Variants in ZBTB16 observed in about 807,000 individuals in gnomAD.
ZBTB16 encodes the protein zinc finger and BTB domain-containing protein 16.
ZBTB16 carries 8 observed loss-of-function variants against 56.8 expected under a neutral mutation model. The ratio of observed to expected loss-of-function variants is 0.14; its 90% CI spans 0.08 to 0.25. The LOEUF (loss-of-function observed/expected upper bound fraction) is 0.25. Among genes scored for constraint, ZBTB16 ranks in the 10% least tolerant of loss-of-function variants. The pLI, the probability that ZBTB16 is intolerant of heterozygous loss-of-function variation, is 1.00. For missense variants in ZBTB16, 625 were observed against 903.0 expected (o/e 0.69, Z 3.95); for synonymous variants, 363 against 368.5 (o/e 0.98, Z 0.17).
In ZBTB16 at chr11:114,192,511, T is replaced by C. The variant is rs137919674; in HGVS notation, c.1453+5473T>C. Among the ~76,000 whole-genome samples, 911 of 152,284 alleles carry C rather than the reference T, an allele frequency of 6.0e-3. 9 individuals carry two copies. The highest frequency in any genetic ancestry group is 0.021 in the African/African-American group (866 of 41,548). On this transcript the variant is annotated intron_variant, in intron 4 of 6. Coordinates refer to ENST00000335953, the MANE Select transcript of ZBTB16 (RefSeq NM_006006.6). The stretch of plus-strand genomic sequence containing the variant: ...ACCAGTCAGCTGCTGTTAAGATTAT[T>C]GTCATCAGTATTTCAGCGTTCTTGT...
intron 6 of ZBTB16, among the ~76,000 whole-genome samples, chr11:114,248,716 G>A (rs986322687): frequency 2.0e-4 from 30 of 152,146 alleles, no homozygotes; most frequent in African/African-American, 5.8e-4. Flanking sequence ...CTCGTTTTTC[G>A]TGTCCCAGTT....
intron 4 of ZBTB16, among the ~76,000 whole-genome samples, chr11:114,234,526 G>A (rs754851976): frequency 3.9e-5 from 6 of 152,160 alleles, no homozygotes; most frequent in South Asian, 2.1e-4. Flanking sequence ...TCTGAGGAAC[G>A]CCAGGAGTAC....
Position 114,156,015 on chromosome 11 carries a change from G to A in ZBTB16, c.1269-322G>A, listed in dbSNP as rs182838640. Among the ~76,000 whole-genome samples the A allele has an allele frequency of 8.7e-3, 1,327 of 152,314 alleles. 9 individuals carry two copies. Among genetic ancestry groups the A allele is most frequent in the Non-Finnish European group, 0.015 (1,053 of 68,024 alleles). On this transcript the variant is annotated intron_variant, in intron 2 of 6. Coordinates refer to ENST00000335953, the MANE Select transcript of ZBTB16 (RefSeq NM_006006.6). ...GTGAGGTCTGTGCTAGTTTGACAGT[G>A]AGCATTATGTCTGTCTGACTGTCCT...
rs879504234 is a variant in ZBTB16, at chr11:114,156,554, C to T, written c.1366+120C>T. On this transcript the variant is annotated intron_variant, in intron 3 of 6. Transcript: ENST00000335953. ...CCCACTGCCCGCTGGGGCCCTGGTC[C>T]ATCTTGTTCCCTGGACCCTCCCTCC... 1.9e-5 allele frequency: 18 copies of T among 932,266 alleles called. 1 individual carries two copies. The Admixed American group carries it at 2.7e-4, about 14-fold the overall frequency. The allele number at this position is 932,266 out of a possible 1,614,324, so 57.7% of individuals were successfully genotyped here.
At chr11:114,162,894 C>T (rs1165930783) in intron 3 of ZBTB16, among the ~76,000 whole-genome samples, 1 of 152,210 alleles carries the variant, frequency 6.6e-6, no homozygotes, top group Non-Finnish European at 1.5e-5. Context: ...TCTCTCCCTA[C>T]TCTGAATTTG....
chr11:114,086,857 T>A (rs1939973422), intron 2 of ZBTB16, among the ~76,000 whole-genome samples: 2 of 152,194 alleles, frequency 1.3e-5, no homozygotes, highest in East Asian at 3.9e-4. Flanking sequence ...AAGTAATTGC[T>A]ATTTTAGACA....
chr11:114,128,407 C>T (rs1047258657), intron 2 of ZBTB16, among the ~76,000 whole-genome samples: 6 of 152,314 alleles, frequency 3.9e-5, no homozygotes, highest in Middle Eastern at 3.4e-3. Context: ...GTGAAGATCT[C>T]AGACTCTGGA....
chr11:114,240,138 G>T (rs1350343103), intron 4 of ZBTB16, among the ~76,000 whole-genome samples: 1 of 152,124 alleles, frequency 6.6e-6, no homozygotes, highest in East Asian at 1.9e-4. Context: ...CTGACTGCTG[G>T]TGAGATGGGG....
At chr11:114,210,291 G>A (rs886388853) in intron 4 of ZBTB16, among the ~76,000 whole-genome samples, 7 of 151,994 alleles carry the variant, frequency 4.6e-5, no homozygotes, top group African/African-American at 7.2e-5. Context: ...TTCAAAAGCC[G>A]GTGGGGTGGG....
chr11:114,083,670 G>T (rs1209651232), intron 2 of ZBTB16, among the ~76,000 whole-genome samples: 1 of 152,130 alleles, frequency 6.6e-6, no homozygotes, highest in Non-Finnish European at 1.5e-5. Context: ...AGGGACTTCG[G>T]AGGCTCTCCC....
intron 2 of ZBTB16, among the ~76,000 whole-genome samples, chr11:114,080,445 CCTCTCT>C (rs150621909): frequency 2.3e-4 from 34 of 149,772 alleles, no homozygotes; most frequent in Non-Finnish European, 2.1e-4. Flanking sequence ...GCTGGTGCTC[CCTCTCT>C]CTCTCTCTCT....
chr11:114,201,404 G>A (rs974164495), intron 4 of ZBTB16, among the ~76,000 whole-genome samples: 5 of 152,084 alleles, frequency 3.3e-5, no homozygotes, highest in African/African-American at 1.2e-4. Flanking sequence ...TGAGGAATCC[G>A]GGGACCAGTG....
chr11:114,156,321 T>A lies in ZBTB16; in HGVS notation c.1269-16T>A. ...AGCCAGAGCAGCAGCAACCTCTCTTTTCCTTTCCCTTACAGGAAGCTGCAC... is the reference window on the plus strand; with the variant it reads ...AGCCAGAGCAGCAGCAACCTCTCTTATCCTTTCCCTTACAGGAAGCTGCAC... On this transcript the variant is annotated splice_polypyrimidine_tract_variant and intron_variant, in intron 2 of 6. Coordinates refer to ENST00000335953, the MANE Select transcript of ZBTB16 (RefSeq NM_006006.6). The A allele has an allele frequency of 6.2e-7, 1 of 1,614,014 alleles. No individual in the cohort carries two copies. Among genetic ancestry groups the A allele is most frequent in the Non-Finnish European group, 8.5e-7 (1 of 1,179,872 alleles).
chr11:114,221,406 C>T lies in ZBTB16; in HGVS notation c.1454-20761C>T, dbSNP rs569102664. On this transcript the variant is annotated intron_variant, in intron 4 of 6. Transcript: ENST00000335953. Reference sequence around the variant, plus strand: ...TTTGGAGAATCAAGCCAGATCTTGCCTGTTGGGAGATTAAATAAGTTGCCC... The same window carrying T: ...TTTGGAGAATCAAGCCAGATCTTGCTTGTTGGGAGATTAAATAAGTTGCCC... Among the ~76,000 whole-genome samples, 131 of 152,304 alleles carry T rather than the reference C, an allele frequency of 8.6e-4. 2 individuals are homozygous for T. In the South Asian group the frequency reaches 0.023, roughly 27 times the overall value.
chr11:114,077,670 C>T (rs1292151320), intron 2 of ZBTB16, among the ~76,000 whole-genome samples: 2 of 152,140 alleles, frequency 1.3e-5, no homozygotes, highest in Non-Finnish European at 2.9e-5. Context: ...GACGTGAAGC[C>T]GCCACCTTGC....
In ZBTB16 at chr11:114,156,431, T is replaced by G. The variant is rs1444149806; in HGVS notation, c.1363T>G (p.Ser455Ala). 4 of 1,614,214 alleles carry G rather than the reference T, an allele frequency of 2.5e-6. No individual in the cohort carries two copies. In the South Asian group the frequency reaches 3.3e-5, roughly 13 times the overall value. The part of the protein sequence containing the change: ...LRLRMHLLAH[S>A]AGAKAFVCDQ... ...GCTGAGAATGCACTTACTGGCTCAT[T>G]CAGGTAGGCAAGTTCGCCTTAGTGG... Residue 455 changes from serine (S) to alanine (A), a missense_variant, in exon 3 of 7, where the codon TCA (serine) becomes GCA (alanine). Physicochemically the swap from Ser to Ala is moderately conservative, Grantham distance 99. This residue lies in a region of ZBTB16 where 140 missense variants were observed against 214.8 expected (regional missense o/e 0.65). Coordinates refer to ENST00000335953, the MANE Select transcript of ZBTB16 (RefSeq NM_006006.6).
chr11:114,059,872 G>C lies in ZBTB16; in HGVS notation c.-101G>C. ...ACGCACACCCACCCCACAGTGCCCG[G>C]CTCGGCTGCGGTGAGTGAGGGGCCG... is the stretch of plus-strand genomic sequence containing the variant. On this transcript the variant is annotated 5_prime_UTR_variant, in exon 1 of 7. Transcript: ENST00000335953. The surrounding 1 kb of genome is among the most constrained non-coding windows in gnomAD (Gnocchi z 5.3). 2.5e-6 allele frequency: 1 copy of C among 397,798 alleles called. No individual in the cohort carries two copies. Among genetic ancestry groups the C allele is most frequent in the Non-Finnish European group, 4.4e-6 (1 of 225,626 alleles). 24.6% of individuals were successfully genotyped at this position (397,798 alleles called of 1,614,324 possible).
intron 2 of ZBTB16, among the ~76,000 whole-genome samples, chr11:114,106,729 C>A (rs780369772): frequency 6.6e-6 from 1 of 152,158 alleles, no homozygotes; most frequent in African/African-American, 2.4e-5. Context: ...CCACCTCAGC[C>A]GCCCAAAGTG....
At chr11:114,184,609 C>A (rs1055634674) in intron 3 of ZBTB16, among the ~76,000 whole-genome samples, 3 of 152,156 alleles carry the variant, frequency 2.0e-5, no homozygotes, top group African/African-American at 7.2e-5. Flanking sequence ...CTATGTCAAC[C>A]ACTGTGTGGC....
Sources: gnomAD v4.1 joint callset for allele counts (sites outside exome capture counted in the v4.1 genomes callset) on GRCh38, gnomAD v4.1.1 for gene constraint, gnomAD v4.1.1 regional missense constraint, Gnocchi (gnomAD v3.1) non-coding constraint, MANE v1.5 for transcripts, NCBI Gene and HGNC (gene_info 2026-07-23, HGNC 2026-07-21) for gene names.